Variants in ROBO1 observed in about 807,000 individuals in gnomAD.
The protein encoded by ROBO1 is roundabout guidance receptor 1, also known as roundabout homolog 1.
ROBO1 carries 149 observed loss-of-function variants against 195.9 expected under a neutral mutation model. That is an observed-to-expected ratio of 0.76 (90% confidence interval 0.67 to 0.87). ROBO1 has a LOEUF of 0.87. Among genes scored for constraint, ROBO1 ranks in the 40% least tolerant of loss-of-function variants. The probability of loss-of-function intolerance (pLI) is 0.00; values close to 1 mark genes in which losing one functional copy is unlikely to be tolerated. For synonymous variants in ROBO1, 816 were observed against 733.2 expected, an observed-to-expected ratio of 1.11 and a Z score of -1.82; for missense variants, 1,933 against 2,068.3, an observed-to-expected ratio of 0.93 and a Z score of 1.27.
At chr3:79,262,889 A>G (rs2082967063) in intron 2 of ROBO1, among the ~76,000 whole-genome samples, 1 of 152,112 alleles carries the variant, frequency 6.6e-6, no homozygotes, top group Non-Finnish European at 1.5e-5. Flanking sequence ...TCTTCCAGAA[A>G]TATCTGAGAT....
chr3:79,533,066 A>G (rs1447112781), intron 2 of ROBO1: 1 of 438,152 alleles, frequency 2.3e-6, no homozygotes, highest in Non-Finnish European at 4.6e-6. Context: ...GACGAATTTT[A>G]TTGTATTACA....
At chr3:79,432,690 G>A (rs764824264) in intron 2 of ROBO1, among the ~76,000 whole-genome samples, 10 of 152,092 alleles carry the variant, frequency 6.6e-5, no homozygotes, top group Middle Eastern at 3.4e-3. Context: ...TGTCTGCCCC[G>A]CAAAATATAC....
chr3:78,767,900 T>C (rs535602036), intron 4 of ROBO1, among the ~76,000 whole-genome samples: 87 of 152,258 alleles, frequency 5.7e-4, no homozygotes, highest in Non-Finnish European at 1.1e-3. Context: ...TTATCTTTTG[T>C]ATTTTTTTGT....
chr3:78,700,296 G>A (rs981461752), intron 8 of ROBO1, among the ~76,000 whole-genome samples: 3 of 152,150 alleles, frequency 2.0e-5, no homozygotes, highest in Admixed American at 1.3e-4. Context: ...GTGAAGATGG[G>A]ATCCACATCT....
chr3:79,323,681 C>T (rs1057514196), intron 2 of ROBO1, among the ~76,000 whole-genome samples: 6 of 152,096 alleles, frequency 3.9e-5, no homozygotes, highest in Non-Finnish European at 7.4e-5. Flanking sequence ...GTTTATAAAC[C>T]GACCGTATCT....
intron 23 of ROBO1, among the ~76,000 whole-genome samples, chr3:78,634,904 A>T (rs1705402958): frequency 6.6e-6 from 1 of 152,154 alleles, no homozygotes; most frequent in African/African-American, 2.4e-5. Flanking sequence ...TCGCATTTTC[A>T]AAGAAAATGT....
At chr3:79,762,873 TGAG>T (rs1338874888) in intron 1 of ROBO1, among the ~76,000 whole-genome samples, 1 of 152,108 alleles carries the variant, frequency 6.6e-6, no homozygotes, top group African/African-American at 2.4e-5. Flanking sequence ...GGCAGGCCCA[TGAG>T]GAGAAGAGGT....
intron 10 of ROBO1, among the ~76,000 whole-genome samples, chr3:78,682,931 C>T (rs551023308): frequency 6.6e-6 from 1 of 151,734 alleles, no homozygotes; most frequent in Non-Finnish European, 1.5e-5. Context: ...AATGTTTCAG[C>T]TGCACATAAA....
At chr3:79,715,831 T>C (rs1702460370) in intron 1 of ROBO1, among the ~76,000 whole-genome samples, 1 of 152,122 alleles carries the variant, frequency 6.6e-6, no homozygotes, top group Non-Finnish European at 1.5e-5. Flanking sequence ...CAGAATTACA[T>C]TTAAATAGAA....
chr3:79,289,535 T>C (rs1400027640), intron 2 of ROBO1, among the ~76,000 whole-genome samples: 1 of 152,200 alleles, frequency 6.6e-6, no homozygotes, highest in Non-Finnish European at 1.5e-5. Context: ...CTCTTGGTAT[T>C]AAGGCACAGT....
chr3:79,679,748 C>A (rs555786102), intron 1 of ROBO1, among the ~76,000 whole-genome samples: 1 of 151,846 alleles, frequency 6.6e-6, no homozygotes, highest in South Asian at 2.1e-4. Context: ...CATTTGTACC[C>A]CTTTGACTTC....
At chr3:78,795,450 AC>A (rs1272094816) in intron 4 of ROBO1, among the ~76,000 whole-genome samples, 2 of 152,314 alleles carry the variant, frequency 1.3e-5, no homozygotes, top group East Asian at 3.9e-4. Context: ...AGCTTTGCAT[AC>A]AGGAACAACA....
chr3:78,982,975 A>G (rs891611536), intron 3 of ROBO1, among the ~76,000 whole-genome samples: 4 of 151,712 alleles, frequency 2.6e-5, no homozygotes, highest in East Asian at 1.9e-4. Context: ...TGGCATGATC[A>G]TGGCTCACTG....
At chr3:79,099,512 CA>C (rs781765413) in intron 3 of ROBO1, among the ~76,000 whole-genome samples, 28 of 151,510 alleles carry the variant, frequency 1.8e-4, no homozygotes, top group Admixed American at 5.9e-4. Flanking sequence ...GAGAAGCAAC[CA>C]GAGGACAAAA....
chr3:78,630,561 G>A (rs1705119404), intron 25 of ROBO1, among the ~76,000 whole-genome samples: 1 of 152,052 alleles, frequency 6.6e-6, no homozygotes. Flanking sequence ...TCCCCCTTTG[G>A]TTATGTTAAA....
chr3:79,691,179 C>T (rs1227770308), intron 1 of ROBO1, among the ~76,000 whole-genome samples: 1 of 151,620 alleles, frequency 6.6e-6, no homozygotes, highest in Non-Finnish European at 1.5e-5. Context: ...GTTTCTTTAC[C>T]CAAATAATAG....
intron 2 of ROBO1, among the ~76,000 whole-genome samples, chr3:79,212,018 C>A (rs2108803772): frequency 6.6e-6 from 1 of 152,196 alleles, no homozygotes; most frequent in Non-Finnish European, 1.5e-5. Context: ...AGGGATGGGC[C>A]AAAATAAAGG....
At chr3:78,616,672 T>C (rs531660046) in intron 27 of ROBO1, among the ~76,000 whole-genome samples, 9 of 152,224 alleles carry the variant, frequency 5.9e-5, no homozygotes, top group African/African-American at 2.2e-4. Flanking sequence ...TGTGATGGCC[T>C]TTTCCTTCTC....
chr3:78,982,717 C>A (rs1044270470), intron 3 of ROBO1, among the ~76,000 whole-genome samples: 1 of 151,960 alleles, frequency 6.6e-6, no homozygotes. Context: ...AAACATCCAC[C>A]CCCCAGGTTC....
Sources: gnomAD v4.1 joint callset for allele counts (sites outside exome capture counted in the v4.1 genomes callset) on GRCh38, gnomAD v4.1.1 for gene constraint, MANE v1.5 for transcripts, NCBI Gene and HGNC (gene_info 2026-07-23, HGNC 2026-07-21) for gene names.